Variants in DSG2 observed in about 807,000 individuals in gnomAD.
DSG2 encodes desmoglein 2.
Under a neutral mutation model 75.6 loss-of-function variants are expected in DSG2, and 45 were observed. The observed-to-expected ratio is 0.60, with a 90% CI of 0.47 to 0.76. DSG2 has a LOEUF of 0.76. DSG2 is among the 30% of genes least tolerant of loss of function. DSG2 has a pLI of 0.00. For synonymous variants in DSG2, 429 were observed against 483.9 expected (o/e 0.89, Z 1.49); for missense variants, 1,267 against 1,357.4 (o/e 0.93, Z 1.05).
intron 8 of DSG2, among the ~76,000 whole-genome samples, chr18:31,526,206 C>T (rs552094424): frequency 6.6e-6 from 1 of 152,136 alleles, no homozygotes; most frequent in Non-Finnish European, 1.5e-5. Flanking sequence ...AATTGCCTTA[C>T]CAGATTTTAA....
At chr18:31,517,700 G>A (rs1199612232) in intron 1 of DSG2, among the ~76,000 whole-genome samples, 1 of 152,200 alleles carries the variant, frequency 6.6e-6, no homozygotes, top group East Asian at 1.9e-4. Context: ...GAAGTCCCAA[G>A]TGTGACAGTG....
At chr18:31,510,623 A>T (rs1165642311) in intron 1 of DSG2, among the ~76,000 whole-genome samples, 1 of 152,186 alleles carries the variant, frequency 6.6e-6, no homozygotes, top group Non-Finnish European at 1.5e-5. Flanking sequence ...AGATACCAGG[A>T]AGTCCAGTTT....
At chr18:31,532,822 A>G (rs1368704790) in intron 9 of DSG2, among the ~76,000 whole-genome samples, 2 of 152,206 alleles carry the variant, frequency 1.3e-5, no homozygotes. Flanking sequence ...AGAAACTTAT[A>G]TGTTCAAACT....
intron 1 of DSG2, among the ~76,000 whole-genome samples, chr18:31,517,368 C>T (rs955472374): frequency 6.6e-6 from 1 of 152,088 alleles, no homozygotes; most frequent in Non-Finnish European, 1.5e-5. Flanking sequence ...TACACTAGTT[C>T]GATAGATCAG....
intron 8 of DSG2, among the ~76,000 whole-genome samples, chr18:31,529,738 CT>C (rs1447863682): frequency 6.6e-6 from 1 of 152,130 alleles, no homozygotes; most frequent in Non-Finnish European, 1.5e-5. Context: ...TAATTTTATA[CT>C]GAAGAAACAA....
intron 1 of DSG2, among the ~76,000 whole-genome samples, chr18:31,506,105 T>A (rs1165774143): frequency 1.3e-5 from 2 of 152,160 alleles, no homozygotes; most frequent in African/African-American, 4.8e-5. Context: ...GAACTTGACA[T>A]TTTTTGAATA....
At chr18:31,502,243 G>T (rs1390768713) in intron 1 of DSG2, among the ~76,000 whole-genome samples, 2 of 152,170 alleles carry the variant, frequency 1.3e-5, no homozygotes, top group Admixed American at 6.5e-5. Flanking sequence ...GTGTGTGAGT[G>T]TAGTGAGCCC....
rs2073309906 is a variant in DSG2 at position 31,546,364 on chromosome 18, A to G, written c.2978A>G (p.Gln993Arg). ...GTVVVTERVI[Q>R]PHGGGSNPLE... ...GTTGTGGTCACTGAAAGAGTAATAC[A>G]GCCTCATGGGGGTGGATCGAATCCT... Residue 993 changes from glutamine (Q) to arginine (R), a missense_variant, in exon 15 of 15, where the codon CAG (glutamine) becomes CGG (arginine). Physicochemically the swap from Gln to Arg is conservative, Grantham distance 43. Coordinates refer to ENST00000261590, the MANE Select transcript of DSG2 (RefSeq NM_001943.5). 1 of 1,613,948 alleles carries G rather than the reference A, an allele frequency of 6.2e-7. No homozygotes were observed. The highest frequency in any genetic ancestry group is 8.5e-7 in the Non-Finnish European group (1 of 1,179,864).
At chr18:31,513,249 G>T (rs1423532399) in intron 1 of DSG2, among the ~76,000 whole-genome samples, 1 of 152,154 alleles carries the variant, frequency 6.6e-6, no homozygotes, top group African/African-American at 2.4e-5. Flanking sequence ...TTTCAGTTTG[G>T]CTTCTCTAGC....
At chr18:31,526,612 A>C (rs1186618422) in intron 8 of DSG2, among the ~76,000 whole-genome samples, 1 of 152,204 alleles carries the variant, frequency 6.6e-6, no homozygotes, top group Admixed American at 6.5e-5. Context: ...AGGTATGACC[A>C]CGCCAGATAC....
At chr18:31,535,441 A>T (rs760886784) in intron 10 of DSG2, 29 bp downstream of exon 10, 1 of 1,530,770 alleles carries the variant, frequency 6.5e-7, no homozygotes, top group East Asian at 2.3e-5. Context: ...CTTTTTCTTG[A>T]TTATATGTAT....
At chr18:31,544,208 G>A (rs2073289249) in intron 14 of DSG2, among the ~76,000 whole-genome samples, 1 of 151,872 alleles carries the variant, frequency 6.6e-6, no homozygotes, top group African/African-American at 2.4e-5. Context: ...TGCAACAGAA[G>A]CAGAATACAC....
chr18:31,509,192 A>G (rs1248949971), intron 1 of DSG2, among the ~76,000 whole-genome samples: 2 of 152,244 alleles, frequency 1.3e-5, no homozygotes, highest in African/African-American at 4.8e-5. Context: ...TGCTAAATGC[A>G]TATTTTAAAA....
intron 1 of DSG2, among the ~76,000 whole-genome samples, chr18:31,516,256 G>T (rs150723772): frequency 3.9e-5 from 6 of 152,268 alleles, no homozygotes; most frequent in South Asian, 2.1e-4. Context: ...AAGGATTAAG[G>T]TTCTTGAAGA....
rs587780928 is a variant in DSG2, at chr18:31,536,269, C to T, written c.1491C>T (p.Pro497=). Residue 497 remains proline (P), a synonymous_variant, in exon 11 of 15, where the codon CCC becomes CCT. Transcript: ENST00000261590. ...INVEDINDNC[P]TLIEPVQTIC... ...TTGAAGACATCAACGACAACTGTCC[C>T]ACACTGATAGAGCCTGTGCAGACAA... The T allele has an allele frequency of 4.1e-5, 66 of 1,614,082 alleles. No homozygotes were observed. The highest frequency in any genetic ancestry group is 9.3e-5 in the African/African-American group (7 of 74,926).
chr18:31,541,240 G>T lies in DSG2; in HGVS notation c.1927G>T (p.Gly643Cys). 2 of 1,614,148 alleles carry T rather than the reference G, an allele frequency of 1.2e-6. No individual in the cohort carries two copies. Among genetic ancestry groups the T allele is most frequent in the Middle Eastern group, 1.7e-4 (1 of 6,060 alleles). Residue 643 changes from glycine to cysteine, a missense_variant, in exon 13 of 15, where the codon GGC becomes TGC. Transcript: ENST00000261590. ...LMCHCGKGAKGFTPIPGTIEM... is the reference protein window; with the variant it reads ...LMCHCGKGAKCFTPIPGTIEM... Reference sequence around the variant, plus strand: ...GTGCCATTGCGGAAAGGGCGCCAAAGGCTTTACCCCCATACCTGGCACCAT... The same window carrying T: ...GTGCCATTGCGGAAAGGGCGCCAAATGCTTTACCCCCATACCTGGCACCAT...
In DSG2 at chr18:31,542,623, C is replaced by T; in HGVS notation, c.2105C>T (p.Ala702Val). The T allele has an allele frequency of 6.2e-7, 1 of 1,614,152 alleles. No homozygotes were observed. The highest frequency in any genetic ancestry group is 8.5e-7 in the Non-Finnish European group (1 of 1,180,022). Residue 702 changes from alanine (A) to valine (V), a missense_variant, in exon 14 of 15, where the codon GCT (alanine) becomes GTT (valine). Coordinates refer to ENST00000261590, the MANE Select transcript of DSG2 (RefSeq NM_001943.5). Reference protein sequence around the residue: ...KEATMKGSSSASIVKGQHEMS... With the variant: ...KEATMKGSSSVSIVKGQHEMS... ...GCCACGATGAAAGGAAGTAGCTCTG[C>T]TTCCATTGTCAAAGGGCAACATGAG... is the stretch of plus-strand genomic sequence containing the variant.
At chr18:31,503,583 G>A (rs1428545169) in intron 1 of DSG2, among the ~76,000 whole-genome samples, 1 of 152,210 alleles carries the variant, frequency 6.6e-6, no homozygotes, top group Non-Finnish European at 1.5e-5. Flanking sequence ...ACATCACTAA[G>A]TAAATGAAAA....
chr18:31,519,659 C>G, intron 2 of DSG2, 144 bp from the exon 3 acceptor site: 1 of 835,818 alleles, frequency 1.2e-6, no homozygotes, highest in Non-Finnish European at 1.9e-6. Flanking sequence ...TATATATTCC[C>G]TTTTAGACAA....
Sources: allele counts gnomAD v4.1 joint callset (sites outside exome capture counted in the v4.1 genomes callset), GRCh38; gene constraint gnomAD v4.1.1; transcripts MANE v1.5; gene names NCBI Gene and HGNC (gene_info 2026-07-23, HGNC 2026-07-21).